PTPN12: variants seen among roughly 807,000 people sequenced by gnomAD.
The protein encoded by PTPN12 is tyrosine-protein phosphatase non-receptor type 12.
In PTPN12, 29 loss-of-function variants were observed where a neutral mutation model predicts 97.6. The observed-to-expected ratio is 0.30, with a 90% CI of 0.22 to 0.41. The LOEUF is 0.41. Among genes scored for constraint, PTPN12 ranks in the 10% least tolerant of loss-of-function variants. The probability of loss-of-function intolerance (pLI) is 1.00; values close to 1 mark genes in which losing one functional copy is unlikely to be tolerated. For missense variants in PTPN12, 819 were observed against 926.0 expected (o/e 0.88, Z 1.50); for synonymous variants, 327 against 300.4 (o/e 1.09, Z -0.91).
chr7:77,627,710 C>A (rs1387741264), intron 13 of PTPN12, 35 bp downstream of exon 13: 1 of 1,497,526 alleles, frequency 6.7e-7, no homozygotes, highest in Non-Finnish European at 8.9e-7. Flanking sequence ...AAATGTCTTT[C>A]CTATGTGCTA....
At chr7:77,566,273 ATATCT>A (rs1316255191) in intron 1 of PTPN12, among the ~76,000 whole-genome samples, 17 of 152,254 alleles carry the variant, frequency 1.1e-4, no homozygotes, top group African/African-American at 3.9e-4. Context: ...AACATTCAAC[ATATCT>A]TATAATTAAA....
chr7:77,603,928 G>T (rs188346630), intron 8 of PTPN12, among the ~76,000 whole-genome samples: 79 of 120,798 alleles, frequency 6.5e-4, no homozygotes, highest in Admixed American at 9.8e-4. Context: ...TTGCACTGTC[G>T]CCCGGGCTGG....
chr7:77,562,474 A>G (rs760024024), intron 1 of PTPN12, among the ~76,000 whole-genome samples: 5 of 152,146 alleles, frequency 3.3e-5, no homozygotes, highest in Non-Finnish European at 5.9e-5. Flanking sequence ...GACTATAATG[A>G]TTGTGTTTTC....
intron 1 of PTPN12, among the ~76,000 whole-genome samples, chr7:77,561,425 T>G (rs528297941): frequency 1.4e-4 from 21 of 152,150 alleles, no homozygotes; most frequent in Non-Finnish European, 2.4e-4. Context: ...AAAAATGAAA[T>G]TTTCAGAGGG....
intron 7 of PTPN12, among the ~76,000 whole-genome samples, chr7:77,599,053 T>C (rs1446799665): frequency 2.6e-5 from 4 of 151,414 alleles, no homozygotes; most frequent in African/African-American, 9.7e-5. Flanking sequence ...GAGTGTAATA[T>C]TTAGTCTTGA....
intron 9 of PTPN12, 121 bp downstream of exon 9, chr7:77,607,422 T>G: frequency 2.6e-6 from 2 of 763,986 alleles, no homozygotes; most frequent in Non-Finnish European, 4.1e-6. Context: ...CCAAAGTAGT[T>G]TTATTAAGTA....
chr7:77,597,486 T>C (rs966838991), intron 6 of PTPN12, among the ~76,000 whole-genome samples: 3 of 152,222 alleles, frequency 2.0e-5, no homozygotes, highest in Non-Finnish European at 2.9e-5. Flanking sequence ...TTTCACTTAG[T>C]AATGTGCATT....
intron 5 of PTPN12, among the ~76,000 whole-genome samples, chr7:77,588,363 C>T (rs182416808): frequency 1.3e-5 from 2 of 152,264 alleles, no homozygotes; most frequent in East Asian, 3.9e-4. Flanking sequence ...GGAAGAGAGA[C>T]TGTACAAAAA....
intron 12 of PTPN12, 53 bp downstream of exon 12, chr7:77,618,618 T>C: frequency 2.5e-6 from 3 of 1,190,040 alleles, no homozygotes; most frequent in Non-Finnish European, 3.6e-6. Context: ...TTCTACTCAC[T>C]GTTAATTAAA....
intron 1 of PTPN12, among the ~76,000 whole-genome samples, chr7:77,564,746 G>GGTTTTT (rs1808162192): frequency 4.4e-5 from 2 of 45,370 alleles, no homozygotes; most frequent in African/African-American, 1.8e-4. Context: ...TTGTTGTCGT[G>GGTTTTT]TTTTTTTTTT....
chr7:77,636,993 T>C, intron 15 of PTPN12, 25 bp from the exon 16 acceptor site: 2 of 1,572,284 alleles, frequency 1.3e-6, no homozygotes, highest in Non-Finnish European at 8.7e-7. Flanking sequence ...TGTATTGTAA[T>C]AGGTATTAAA....
chr7:77,600,693 T>C lies in PTPN12; in HGVS notation c.582T>C (p.Tyr194=). 1 of 1,607,774 alleles carries C rather than the reference T, an allele frequency of 6.2e-7. No individual in the cohort carries two copies. ...CTCGTAGGCTGTATCAGTTTCATTATGTGAACTGGCCAGACCATGATGTTC... is the reference window on the plus strand; with the variant it reads ...CTCGTAGGCTGTATCAGTTTCATTACGTGAACTGGCCAGACCATGATGTTC... ...NESRRLYQFH[Y]VNWPDHDVPS... The change falls in exon 8 of 18, where the codon TAT becomes TAC. Residue 194 remains tyrosine (Y), a synonymous_variant. Transcript: ENST00000248594.
intron 7 of PTPN12, 92 bp downstream of exon 7, chr7:77,597,993 T>C (rs1162701199): frequency 2.7e-6 from 4 of 1,498,840 alleles, no homozygotes; most frequent in Non-Finnish European, 3.6e-6. Context: ...TTTGGGAGGC[T>C]GAAGTGGGAG....
intron 2 of PTPN12, among the ~76,000 whole-genome samples, chr7:77,579,288 A>G (rs952229016): frequency 6.6e-6 from 1 of 151,634 alleles, no homozygotes; most frequent in Non-Finnish European, 1.5e-5. Flanking sequence ...TGCCCTGCCA[A>G]TTTTTTTTGT....
chr7:77,575,755 G>A (rs1310776680), intron 2 of PTPN12, among the ~76,000 whole-genome samples: 1 of 152,084 alleles, frequency 6.6e-6, no homozygotes, highest in Non-Finnish European at 1.5e-5. Flanking sequence ...TCAGCCCTGG[G>A]CAGCTGTTAA....
chr7:77,575,872 G>A (rs1285216109), intron 2 of PTPN12, among the ~76,000 whole-genome samples: 3 of 151,730 alleles, frequency 2.0e-5, no homozygotes, highest in Non-Finnish European at 4.4e-5. Flanking sequence ...TTTTTTTTGA[G>A]ATGAAGTCTC....
At chr7:77,632,140 T>G (rs923377846) in intron 13 of PTPN12, among the ~76,000 whole-genome samples, 1 of 152,218 alleles carries the variant, frequency 6.6e-6, no homozygotes, top group Non-Finnish European at 1.5e-5. Flanking sequence ...AGGAAAGTCA[T>G]GGGAGAGAGT....
At chr7:77,539,628 GGTTT>G (rs1033948127) in intron 1 of PTPN12, among the ~76,000 whole-genome samples, 4 of 151,882 alleles carry the variant, frequency 2.6e-5, no homozygotes, top group Non-Finnish European at 5.9e-5. Context: ...TTGGTTGGTT[GGTTT>G]TTTTTTTGAG....
intron 1 of PTPN12, among the ~76,000 whole-genome samples, chr7:77,567,685 C>T (rs975831826): frequency 3.3e-5 from 5 of 152,152 alleles, no homozygotes; most frequent in African/African-American, 1.2e-4. Context: ...AACTGCTTTG[C>T]AATTTCAGGC....
Sources: gnomAD v4.1 joint callset for allele counts (sites outside exome capture counted in the v4.1 genomes callset) on GRCh38, gnomAD v4.1.1 for gene constraint, MANE v1.5 for transcripts, NCBI Gene and HGNC (gene_info 2026-07-23, HGNC 2026-07-21) for gene names.